Variants in DNM1 observed in about 807,000 individuals in gnomAD.
DNM1 encodes the protein dynamin-1.
In DNM1, 29 loss-of-function variants were observed where a neutral mutation model predicts 104.6. The ratio of observed to expected loss-of-function variants is 0.28; its 90% CI spans 0.21 to 0.38. The LOEUF (loss-of-function observed/expected upper bound fraction) is 0.38, where lower values mean the gene tolerates loss of function less well. DNM1 is among the 10% of genes least tolerant of loss of function. The pLI is 1.00. For missense variants in DNM1, 640 were observed against 1,189.4 expected (o/e 0.54, Z 6.79); for synonymous variants, 445 against 475.8 (o/e 0.94, Z 0.84).
At chr9:128,216,905 C>T (rs1207983347) in intron 1 of DNM1, among the ~76,000 whole-genome samples, 2 of 152,214 alleles carry the variant, frequency 1.3e-5, no homozygotes, top group East Asian at 3.9e-4. Context: ...GGGCTTCAAC[C>T]TGTTCCCCCC....
chr9:128,245,105 G>A lies in DNM1; in HGVS notation c.1672-1289G>A. ...CTCCTACCTAGTGTCCAACCCCGAA[G>A]CACAGGGCGGGTGGTGGCGGGGCCT... On this transcript the variant is annotated intron_variant, in intron 15 of 21. Transcript: ENST00000372923. This position sits in a 1 kb window ranked among gnomAD's most constrained non-coding sequence, Gnocchi z 5.2. The A allele has an allele frequency of 4.5e-6, 1 of 221,630 alleles. No individual in the cohort carries two copies. The highest frequency in any genetic ancestry group is 9.5e-6 in the Non-Finnish European group (1 of 105,404). The allele number at this position is 221,630 out of a possible 1,614,324, so 13.7% of individuals were successfully genotyped here. A position where few individuals can be genotyped will look rare whatever the true frequency, so the allele number is the denominator to read the frequency against.
Position 128,245,302 on chromosome 9 carries a change from CG to C in DNM1, c.1672-1087del, listed in dbSNP as rs1836718129. Among the ~76,000 whole-genome samples the C allele has an allele frequency of 6.6e-6, 1 of 152,046 alleles. No individual in the cohort carries two copies. Among genetic ancestry groups the C allele is most frequent in the Admixed American group, 6.6e-5 (1 of 15,266 alleles). On this transcript the variant is annotated intron_variant, in intron 15 of 21. Coordinates refer to ENST00000372923, the MANE Select transcript of DNM1 (RefSeq NM_004408.4). This position sits in a 1 kb window ranked among gnomAD's most constrained non-coding sequence, Gnocchi z 5.2. ...AGGGGTGGGCGGGATGACGCCAGGA[CG>C]GGGGAGCAAGGTCCCCCTAAACCCA...
chr9:128,232,940 G>A (rs1055032656), intron 10 of DNM1, among the ~76,000 whole-genome samples: 2 of 152,206 alleles, frequency 1.3e-5, no homozygotes, highest in African/African-American at 4.8e-5. Context: ...GCCCTGCCTC[G>A]GGGACAGTTG....
At chr9:128,229,946 G>A (rs1205714596) in intron 10 of DNM1, among the ~76,000 whole-genome samples, 2 of 149,728 alleles carry the variant, frequency 1.3e-5, no homozygotes, top group African/African-American at 2.5e-5. Flanking sequence ...GTGGCCAGGC[G>A]TGGTGGCTCA....
At chr9:128,216,085 C>T (rs1258182470) in intron 1 of DNM1, among the ~76,000 whole-genome samples, 10 of 152,110 alleles carry the variant, frequency 6.6e-5, no homozygotes, top group East Asian at 1.9e-4. Context: ...GCACATACCA[C>T]GCTGCATTGC....
In DNM1 at chr9:128,245,287, G is replaced by A. The variant is rs887686247; in HGVS notation, c.1672-1107G>A. Among the ~76,000 whole-genome samples the A allele has an allele frequency of 2.6e-5, 4 of 152,066 alleles. No homozygotes were observed. The highest frequency in any genetic ancestry group is 9.7e-5 in the African/African-American group (4 of 41,398). Reference sequence around the variant, plus strand: ...GCGTTGGGGGCAGAGAGGGGTGGGCGGGATGACGCCAGGACGGGGGAGCAA... The same window carrying A: ...GCGTTGGGGGCAGAGAGGGGTGGGCAGGATGACGCCAGGACGGGGGAGCAA... On this transcript the variant is annotated intron_variant, in intron 15 of 21. Coordinates refer to ENST00000372923, the MANE Select transcript of DNM1 (RefSeq NM_004408.4). The surrounding 1 kb of genome is among the most constrained non-coding windows in gnomAD (Gnocchi z 5.2).
At chr9:128,241,999 CA>C (rs1836397338) in intron 14 of DNM1, among the ~76,000 whole-genome samples, 1 of 152,192 alleles carries the variant, frequency 6.6e-6, no homozygotes, top group Non-Finnish European at 1.5e-5. Context: ...TTAACTCGGC[CA>C]GGTCTGCCTG....
rs1829763936 is a variant in DNM1, at chr9:128,255,016, T to C, written c.*302T>C. 7.8e-6 allele frequency: 2 copies of C among 255,300 alleles called. No individual in the cohort carries two copies. Among genetic ancestry groups the C allele is most frequent in the South Asian group, 1.3e-4 (2 of 15,848 alleles). 15.8% of individuals were successfully genotyped at this position (255,300 alleles called of 1,614,324 possible). Reference sequence around the variant, plus strand: ...GTCACTGTGCTATCCTTGTGGAGTCTTGTGGCCCAACTACCAGAGAACGCT... The same window carrying C: ...GTCACTGTGCTATCCTTGTGGAGTCCTGTGGCCCAACTACCAGAGAACGCT... On this transcript the variant is annotated 3_prime_UTR_variant, in exon 22 of 22. Transcript: ENST00000372923.
intron 10 of DNM1, chr9:128,231,874 A>G: frequency 2.8e-6 from 1 of 361,504 alleles, no homozygotes; most frequent in South Asian, 2.0e-5. Flanking sequence ...GCTGGCTTTG[A>G]ACCCAGGGCT....
At chr9:128,206,099 C>T (rs1228555750) in intron 1 of DNM1, among the ~76,000 whole-genome samples, 1 of 152,180 alleles carries the variant, frequency 6.6e-6, no homozygotes, top group Admixed American at 6.5e-5. Flanking sequence ...CCAGCTCCCT[C>T]AAGGGCTCCT....
rs1225185878 is a variant in DNM1 at position 128,253,054 on chromosome 9, C to T, written c.2535-1600C>T. 6.2e-7 allele frequency: 1 copy of T among 1,607,358 alleles called. No homozygotes were observed. The highest frequency in any genetic ancestry group is 8.5e-7 in the Non-Finnish European group (1 of 1,176,620). ...TGTGTCCCCCACCCCCAGGCCGGCC[C>T]CACCCGTGCGTGTGAACTGCCATGT... is the stretch of plus-strand genomic sequence containing the variant. On this transcript the variant is annotated intron_variant, in intron 21 of 21. Coordinates refer to ENST00000372923, the MANE Select transcript of DNM1 (RefSeq NM_004408.4). The surrounding 1 kb of genome is among the most constrained non-coding windows in gnomAD (Gnocchi z 5.9).
rs904070477 is a variant in DNM1, at chr9:128,252,883, C to T, written c.2535-1771C>T. On this transcript the variant is annotated intron_variant, in intron 21 of 21. Coordinates refer to ENST00000372923, the MANE Select transcript of DNM1 (RefSeq NM_004408.4). ...GCATGCCCCAGATCCATGCTGCACG[C>T]GCCGCCGGCCAGTGAGGGTGCTGGG... 5.5e-5 allele frequency: 38 copies of T among 684,814 alleles called. 1 individual carries two copies. Among genetic ancestry groups the T allele is most frequent in the South Asian group, 2.5e-4 (16 of 64,722 alleles). 42.4% of individuals were successfully genotyped at this position (684,814 alleles called of 1,614,324 possible).
chr9:128,204,124 A>T (rs888837196), intron 1 of DNM1: 11 of 152,678 alleles, frequency 7.2e-5, no homozygotes, highest in African/African-American at 2.7e-4. Flanking sequence ...CAGTCCCTAG[A>T]AGAGGACGTA....
chr9:128,253,044 C>T lies in DNM1; in HGVS notation c.2535-1610C>T. ...TGTGCGTGTGTGTGTCCCCCACCCC[C>T]AGGCCGGCCCCACCCGTGCGTGTGA... On this transcript the variant is annotated intron_variant, in intron 21 of 21. Transcript: ENST00000372923. This position sits in a 1 kb window ranked among gnomAD's most constrained non-coding sequence, Gnocchi z 5.9. 1.3e-6 allele frequency: 2 copies of T among 1,591,498 alleles called. No homozygotes were observed. The highest frequency in any genetic ancestry group is 1.7e-6 in the Non-Finnish European group (2 of 1,162,734).
chr9:128,239,825 A>T, intron 13 of DNM1, 46 bp downstream of exon 13: 1 of 1,591,398 alleles, frequency 6.3e-7, no homozygotes, highest in Non-Finnish European at 8.6e-7. Context: ...AGGGTGCCGG[A>T]CGGACACCAG....
rs1338410782 is a variant in DNM1 at position 128,245,389 on chromosome 9, A to G, written c.1672-1005A>G. 1.3e-5 allele frequency among the ~76,000 whole-genome samples: 2 copies of G among 151,756 alleles called. No homozygotes were observed. The highest frequency in any genetic ancestry group is 1.3e-4 in the Admixed American group (2 of 15,260). ...CAACCTCTTTGAGTCCCCGAGGCCC[A>G]CACAGACGACCCCCGTGAACAAGTA... On this transcript the variant is annotated intron_variant, in intron 15 of 21. Coordinates refer to ENST00000372923, the MANE Select transcript of DNM1 (RefSeq NM_004408.4). The surrounding 1 kb of genome is among the most constrained non-coding windows in gnomAD (Gnocchi z 5.2).
Position 128,222,360 on chromosome 9 carries a change from A to G in DNM1, c.992+21A>G, listed in dbSNP as rs757009257. The G allele has an allele frequency of 5.6e-6, 9 of 1,609,692 alleles. No homozygotes were observed. The South Asian group carries it at 7.7e-5, about 14-fold the overall frequency. The stretch of plus-strand genomic sequence containing the variant: ...CTGCAGTGAGGCTCCCCCAGCTCCT[A>G]TCACTGAATCCCCGCCCCCAGCCTC... On this transcript the variant is annotated intron_variant, in intron 7 of 21. Transcript: ENST00000372923. The surrounding 1 kb of genome is among the most constrained non-coding windows in gnomAD (Gnocchi z 7.8).
At chr9:128,242,495 C>A (rs1265517793) in intron 15 of DNM1, 150 bp downstream of exon 15, 14 of 571,008 alleles carry the variant, frequency 2.5e-5, no homozygotes, top group Non-Finnish European at 3.7e-5. Flanking sequence ...TGTGGTGGCT[C>A]ACACCTATAA....
Position 128,248,776 on chromosome 9 carries a change from G to T in DNM1, c.2076+23G>T, listed in dbSNP as rs763076957. 6.2e-7 allele frequency: 1 copy of T among 1,602,492 alleles called. No homozygotes were observed. Among genetic ancestry groups the T allele is most frequent in the Non-Finnish European group, 8.5e-7 (1 of 1,170,676 alleles). On this transcript the variant is annotated intron_variant, in intron 19 of 21. Transcript: ENST00000372923. This position sits in a 1 kb window ranked among gnomAD's most constrained non-coding sequence, Gnocchi z 5.6. The stretch of plus-strand genomic sequence containing the variant: ...AATGTGCGTGCTCCACTGCATGGGG[G>T]CAGGGAAATCCTGTGGCACTGGGGA...
Sources: gnomAD v4.1 joint callset for allele counts (sites outside exome capture counted in the v4.1 genomes callset) on GRCh38, gnomAD v4.1.1 for gene constraint, Gnocchi (gnomAD v3.1) non-coding constraint, MANE v1.5 for transcripts, NCBI Gene and HGNC (gene_info 2026-07-23, HGNC 2026-07-21) for gene names.